LPAR1: variants seen among roughly 807,000 people sequenced by gnomAD.
LPAR1 encodes the protein LPA receptor 1.
In LPAR1, 5 loss-of-function variants were observed where a neutral mutation model predicts 23.8. That is an observed-to-expected ratio of 0.21 (90% CI 0.11 to 0.44). The LOEUF (loss-of-function observed/expected upper bound fraction) is 0.44. LPAR1 is among the 20% of genes least tolerant of loss of function. The pLI is 0.99. For synonymous variants in LPAR1, 160 were observed against 164.7 expected, an observed-to-expected ratio of 0.97 and a Z score of 0.22; for missense variants, 311 against 482.8, an observed-to-expected ratio of 0.64 and a Z score of 3.33.
intron 5 of LPAR1, among the ~76,000 whole-genome samples, chr9:110,917,531 G>A (rs189915021): frequency 6.6e-6 from 1 of 152,182 alleles, no homozygotes; most frequent in East Asian, 1.9e-4. Context: ...ACTGCACTTT[G>A]GTTACAGACC....
intron 5 of LPAR1, among the ~76,000 whole-genome samples, chr9:110,924,056 G>T (rs1028969528): frequency 2.0e-5 from 3 of 151,800 alleles, no homozygotes; most frequent in African/African-American, 7.3e-5. Context: ...AACACAAATG[G>T]TTGTAACATA....
chr9:110,961,961 G>A (rs2096008476), intron 4 of LPAR1, among the ~76,000 whole-genome samples: 1 of 152,146 alleles, frequency 6.6e-6, no homozygotes, highest in South Asian at 2.1e-4. Context: ...ATGTATATTT[G>A]TGATACATCA....
intron 5 of LPAR1, among the ~76,000 whole-genome samples, chr9:110,907,667 T>A (rs766697998): frequency 2.6e-5 from 4 of 152,184 alleles, no homozygotes; most frequent in Admixed American, 6.5e-5. Context: ...CATGGGAGAC[T>A]ACAGGTTACT....
chr9:110,889,461 C>T (rs1166378342), intron 5 of LPAR1, among the ~76,000 whole-genome samples: 3 of 152,254 alleles, frequency 2.0e-5, no homozygotes, highest in Non-Finnish European at 4.4e-5. Context: ...TATGTAGATA[C>T]ACACATGCCC....
chr9:110,983,447 T>A (rs1016488390), intron 2 of LPAR1, among the ~76,000 whole-genome samples: 1 of 151,956 alleles, frequency 6.6e-6, no homozygotes, highest in African/African-American at 2.4e-5. Flanking sequence ...TAGCTAATAG[T>A]CAAATTAATA....
intron 2 of LPAR1, among the ~76,000 whole-genome samples, chr9:110,999,864 C>G (rs1051337951): frequency 1.3e-5 from 2 of 152,076 alleles, no homozygotes; most frequent in South Asian, 2.1e-4. Flanking sequence ...GCCACCACAC[C>G]AGGCTAATTT....
At chr9:110,887,559 T>C (rs948422126) in intron 5 of LPAR1, among the ~76,000 whole-genome samples, 8 of 152,266 alleles carry the variant, frequency 5.3e-5, no homozygotes, top group African/African-American at 1.4e-4. Context: ...AAGATATCTC[T>C]CTTTATCAAA....
intron 4 of LPAR1, among the ~76,000 whole-genome samples, chr9:110,966,869 AC>A (rs896731855): frequency 2.8e-4 from 42 of 152,268 alleles, no homozygotes; most frequent in African/African-American, 9.4e-4. Context: ...TCTTTCATGA[AC>A]AATGAAAATG....
chr9:110,875,666 A>G lies in LPAR1; in HGVS notation c.850T>C (p.Cys284Arg), dbSNP rs2078919428. 3 of 1,613,862 alleles carry G rather than the reference A, an allele frequency of 1.9e-6. No individual in the cohort carries two copies. The highest frequency in any genetic ancestry group is 2.2e-5 in the South Asian group (2 of 91,072). The part of the protein sequence containing the change: ...GLVLLLLDVC[C>R]PQCDVLAYEK... ...TAGGCCAGCACGTCGCACTGTGGAC[A>G]GCACACGTCTAGAAGTAACAAAACC... The change falls in exon 6 of 6, where the codon TGT becomes CGT. Residue 284 changes from cysteine (C) to arginine (R), a missense_variant. Physicochemically the swap from Cys to Arg is radical, Grantham distance 180. Coordinates refer to ENST00000683809, the MANE Select transcript of LPAR1 (RefSeq NM_001351411.2).
rs973550044 is a variant in LPAR1 at position 110,941,973 on chromosome 9, G to A, written c.241C>T (p.His81Tyr). The A allele has an allele frequency of 3.1e-6, 5 of 1,614,018 alleles. No individual in the cohort carries two copies. The highest frequency in any genetic ancestry group is 4.2e-6 in the Non-Finnish European group (5 of 1,180,004). ...MVAIYVNRRF[H>Y]FPIYYLMANL... ...GCCATTAGGTAATAAATAGGAAAAT[G>A]GAAGCGGCGGTTGACATAGATTGCC... is the stretch of plus-strand genomic sequence containing the variant. Residue 81 changes from histidine to tyrosine, a missense_variant, in exon 5 of 6, where the codon CAT (histidine) becomes TAT (tyrosine). His to Tyr is a moderately conservative substitution (Grantham distance 83). Coordinates refer to ENST00000683809, the MANE Select transcript of LPAR1 (RefSeq NM_001351411.2). The surrounding 1 kb of genome is among the most constrained non-coding windows in gnomAD (Gnocchi z 6.1).
At chr9:110,909,066 C>A (rs1193975591) in intron 5 of LPAR1, among the ~76,000 whole-genome samples, 1 of 152,200 alleles carries the variant, frequency 6.6e-6, no homozygotes, top group Non-Finnish European at 1.5e-5. Flanking sequence ...ATCCCTCACT[C>A]ATCATGACTG....
At chr9:110,959,229 T>C (rs1588541769) in intron 4 of LPAR1, among the ~76,000 whole-genome samples, 1 of 144,330 alleles carries the variant, frequency 6.9e-6, no homozygotes, top group South Asian at 2.2e-4. Flanking sequence ...ATCCCTCTAC[T>C]GGCTATTTAT....
At chr9:110,885,271 C>T (rs2900518) in intron 5 of LPAR1, among the ~76,000 whole-genome samples, 1 of 152,142 alleles carries the variant, frequency 6.6e-6, no homozygotes, top group Non-Finnish European at 1.5e-5. Context: ...GGTCATCATG[C>T]TTCAAGGAAT....
intron 5 of LPAR1, among the ~76,000 whole-genome samples, chr9:110,923,234 T>A (rs1239123227): frequency 6.6e-6 from 1 of 152,170 alleles, no homozygotes; most frequent in African/African-American, 2.4e-5. Flanking sequence ...AAGTTATGTA[T>A]CATGTATTTT....
intron 5 of LPAR1, among the ~76,000 whole-genome samples, chr9:110,921,661 G>C (rs769869513): frequency 1.3e-5 from 2 of 152,166 alleles, no homozygotes; most frequent in Non-Finnish European, 2.9e-5. Flanking sequence ...TACATTTTCC[G>C]GGTTGATACT....
At chr9:110,981,276 A>G (rs994105515) in intron 2 of LPAR1, among the ~76,000 whole-genome samples, 4 of 152,124 alleles carry the variant, frequency 2.6e-5, no homozygotes, top group Admixed American at 2.0e-4. Flanking sequence ...TTACAAGTAC[A>G]GTACGCTAGG....
intron 5 of LPAR1, among the ~76,000 whole-genome samples, chr9:110,888,127 T>G (rs954591753): frequency 2.0e-5 from 3 of 152,114 alleles, no homozygotes; most frequent in Admixed American, 1.3e-4. Context: ...GAACAACAAA[T>G]CATAAAAATG....
At chr9:110,991,053 T>C (rs2096883787) in intron 2 of LPAR1, among the ~76,000 whole-genome samples, 1 of 152,164 alleles carries the variant, frequency 6.6e-6, no homozygotes, top group African/African-American at 2.4e-5. Flanking sequence ...AACTGATTCA[T>C]ACCTCATACC....
intron 2 of LPAR1, among the ~76,000 whole-genome samples, chr9:110,995,821 A>AG (rs1449376234): frequency 6.6e-6 from 1 of 152,222 alleles, no homozygotes; most frequent in Admixed American, 6.5e-5. Context: ...TCACCAAAAA[A>AG]GGGGGGTCCC....
Sources: gnomAD v4.1 joint callset for allele counts (sites outside exome capture counted in the v4.1 genomes callset) on GRCh38, gnomAD v4.1.1 for gene constraint, Gnocchi (gnomAD v3.1) non-coding constraint, MANE v1.5 for transcripts, NCBI Gene and HGNC (gene_info 2026-07-23, HGNC 2026-07-21) for gene names.